TBC1D30: variants seen among roughly 807,000 people sequenced by gnomAD.
TBC1D30 encodes the protein TBC1 domain family, member 30.
TBC1D30 carries 31 observed loss-of-function variants against 63.2 expected under a neutral mutation model. The ratio of observed to expected loss-of-function variants is 0.49; its 90% CI spans 0.37 to 0.66. The LOEUF (loss-of-function observed/expected upper bound fraction) is 0.66. Ranked by LOEUF, TBC1D30 falls within the 30% of genes least tolerant of loss-of-function variation. The probability of loss-of-function intolerance (pLI) is 0.00; values close to 1 mark genes in which losing one functional copy is unlikely to be tolerated. For missense variants in TBC1D30, 810 were observed against 953.6 expected, an observed-to-expected ratio of 0.85 and a Z score of 1.98; for synonymous variants, 307 against 361.5, an observed-to-expected ratio of 0.85 and a Z score of 1.71.
rs568116151 is a variant in TBC1D30 at position 64,834,827 on chromosome 12, A to G, written c.595-1663A>G. 1.4e-3 allele frequency among the ~76,000 whole-genome samples: 208 copies of G among 150,350 alleles called. 2 individuals carry two copies. Among genetic ancestry groups the G allele is most frequent in the African/African-American group, 5.0e-3 (204 of 40,846 alleles). On this transcript the variant is annotated intron_variant, in intron 5 of 11. Transcript: ENST00000539867. ...GACATTGAGATGCCTTCAGATAGAG[A>G]ATTTCACTGTCACAGGAATTAGTAT...
chr12:64,793,695 C>G (rs886609343), intron 2 of TBC1D30, among the ~76,000 whole-genome samples: 1 of 151,998 alleles, frequency 6.6e-6, no homozygotes, highest in African/African-American at 2.4e-5. Flanking sequence ...ACCACAAGTA[C>G]AGATGAAAAT....
chr12:64,876,838 C>G lies in TBC1D30; in HGVS notation c.*1050C>G, dbSNP rs538009822. 21 of 456,136 alleles carry G rather than the reference C, an allele frequency of 4.6e-5. No homozygotes were observed. Among genetic ancestry groups the G allele is most frequent in the African/African-American group, 3.6e-4 (18 of 50,204 alleles). The allele number at this position is 456,136 out of a possible 1,614,324, so 28.3% of individuals were successfully genotyped here. A position where few individuals can be genotyped will look rare whatever the true frequency, so the allele number is the denominator to read the frequency against. ...TCTCACTCCTGCCCTTTCTAGCTCT[C>G]TCTCACCCAGCGGGTCAGGGATAGC... is the stretch of plus-strand genomic sequence containing the variant. On this transcript the variant is annotated 3_prime_UTR_variant, in exon 12 of 12. Coordinates refer to ENST00000539867, the MANE Select transcript of TBC1D30 (RefSeq NM_015279.2).
rs554681216 is a variant in TBC1D30 at position 64,809,752 on chromosome 12, C to T, written c.644-18083C>T. ...CCAGCTTCCCTCTGCATCTGTGATTCGTGCTCTGCTTCTTGTTTGTGGCTT... is the reference window on the plus strand; with the variant it reads ...CCAGCTTCCCTCTGCATCTGTGATTTGTGCTCTGCTTCTTGTTTGTGGCTT... On this transcript the variant is annotated intron_variant, in intron 2 of 12. Coordinates refer to the TBC1D30 transcript ENST00000542120. 4.6e-5 allele frequency among the ~76,000 whole-genome samples: 7 copies of T among 152,276 alleles called. No individual in the cohort carries two copies. In the East Asian group the frequency reaches 9.6e-4, roughly 21 times the overall value.
chr12:64,777,401 T>TTG (rs901267403), upstream of TBC1D30, among the ~76,000 whole-genome samples: 3 of 152,148 alleles, frequency 2.0e-5, no homozygotes, highest in African/African-American at 7.2e-5. Flanking sequence ...ATAAACAACT[T>TTG]CAGCAAAGTC....
chr12:64,845,856 C>T (rs1033740060), intron 8 of TBC1D30, among the ~76,000 whole-genome samples: 3 of 152,202 alleles, frequency 2.0e-5, no homozygotes, highest in East Asian at 1.9e-4. Context: ...GATGGGGTTT[C>T]GCCATATTGG....
chr12:64,805,625 G>A (rs1427750275), intron 2 of TBC1D30, among the ~76,000 whole-genome samples: 1 of 152,046 alleles, frequency 6.6e-6, no homozygotes, highest in Non-Finnish European at 1.5e-5. Flanking sequence ...TTGAGGCCGG[G>A]AGTTCAAGAC....
chr12:64,858,389 T>C (rs1422131156), intron 8 of TBC1D30, among the ~76,000 whole-genome samples: 1 of 152,148 alleles, frequency 6.6e-6, no homozygotes, highest in African/African-American at 2.4e-5. Flanking sequence ...ATATGCTGGA[T>C]CTCCCCTGAA....
upstream of TBC1D30, among the ~76,000 whole-genome samples, chr12:64,779,805 A>G (rs1172443858): frequency 2.0e-5 from 3 of 152,226 alleles, no homozygotes; most frequent in African/African-American, 7.2e-5. Context: ...CTGAAAAGTG[A>G]GAATATAACG....
intron 1 of TBC1D30, among the ~76,000 whole-genome samples, chr12:64,783,899 C>T (rs901368037): frequency 1.7e-4 from 2 of 11,792 alleles, no homozygotes; most frequent in Admixed American, 2.0e-3. Context: ...CTCAGGTGAT[C>T]TGCCTGCCTC....
chr12:64,802,571 A>G (rs574804259), intron 2 of TBC1D30, among the ~76,000 whole-genome samples: 19 of 152,204 alleles, frequency 1.2e-4, no homozygotes, highest in African/African-American at 4.3e-4. Flanking sequence ...ATATGTATAC[A>G]TGTGCCATGT....
Position 64,832,109 on chromosome 12 carries a change from T to C in TBC1D30, c.409-10T>C. ...GTTATTTTTGAAAATATTGTTTCCCTTCCATTTAGGACCTTCACCGCACAG... is the reference window on the plus strand; with the variant it reads ...GTTATTTTTGAAAATATTGTTTCCCCTCCATTTAGGACCTTCACCGCACAG... On this transcript the variant is annotated splice_polypyrimidine_tract_variant and intron_variant, in intron 4 of 11. Coordinates refer to ENST00000539867, the MANE Select transcript of TBC1D30 (RefSeq NM_015279.2). 17 of 1,513,066 alleles carry C rather than the reference T, an allele frequency of 1.1e-5. No individual in the cohort carries two copies. Among genetic ancestry groups the C allele is most frequent in the African/African-American group, 4.1e-5 (3 of 72,624 alleles). The allele number at this position is 1,513,066 out of a possible 1,614,324, so 93.7% of individuals were successfully genotyped here. A position where few individuals can be genotyped will look rare whatever the true frequency, so the allele number is the denominator to read the frequency against.
intron 5 of TBC1D30, 33 bp downstream of exon 5, chr12:64,832,337 A>C: frequency 6.6e-7 from 1 of 1,518,338 alleles, no homozygotes; most frequent in Non-Finnish European, 8.8e-7. Flanking sequence ...GGCCATGGAC[A>C]TTCTTCTGAG....
At chr12:64,868,540 C>A in intron 10 of TBC1D30, 1 of 282,080 alleles carries the variant, frequency 3.5e-6, no homozygotes, top group Non-Finnish European at 6.8e-6. Context: ...CTGTGTTTAG[C>A]TTTTTCATAG....
At chr12:64,845,248 G>A (rs929090367) in intron 8 of TBC1D30, among the ~76,000 whole-genome samples, 1 of 152,048 alleles carries the variant, frequency 6.6e-6, no homozygotes, top group African/African-American at 2.4e-5. Flanking sequence ...AGTGTACAAG[G>A]GTTCCCTTTT....
At chr12:64,794,743 C>T (rs561093036) in intron 2 of TBC1D30, among the ~76,000 whole-genome samples, 7 of 152,214 alleles carry the variant, frequency 4.6e-5, no homozygotes, top group Middle Eastern at 3.4e-3. Context: ...CTGGCTGTAA[C>T]GTTTTCTCTC....
chr12:64,866,558 C>T (rs552365844), intron 9 of TBC1D30, among the ~76,000 whole-genome samples: 88 of 152,214 alleles, frequency 5.8e-4, no homozygotes, highest in African/African-American at 1.9e-3. Context: ...TAGCCTCAGC[C>T]TCCGAAGTAG....
Position 64,866,870 on chromosome 12 carries a change from C to G in TBC1D30, c.1258C>G (p.Pro420Ala). ...TGGACCTTTTAGTGGGTTCCTGGCT[C>G]CTGAACTGCAGAAGTACCAAAAACA... ...CLGPFSGFLA[P>A]ELQKYQKQIK... Residue 420 changes from proline (P) to alanine (A), a missense_variant, in exon 10 of 12, where the codon CCT (proline) becomes GCT (alanine). By Grantham distance (27) the Pro-to-Ala change is conservative (BLOSUM62 -1). Transcript: ENST00000539867. The G allele has an allele frequency of 6.5e-7, 1 of 1,536,080 alleles. No homozygotes were observed. Among genetic ancestry groups the G allele is most frequent in the Non-Finnish European group, 8.7e-7 (1 of 1,146,912 alleles).
chr12:64,836,619 C>T lies in TBC1D30; in HGVS notation c.724C>T (p.Leu242=). The T allele has an allele frequency of 6.5e-7, 1 of 1,535,924 alleles. No individual in the cohort carries two copies. Among genetic ancestry groups the T allele is most frequent in the African/African-American group, 1.4e-5 (1 of 73,144 alleles). ...RMKLPELSQH[L]DTLQRTANKE... ...GAAGCTGCCGGAATTATCTCAGCAC[C>T]TGGATACTCTTCAGAGAACTGCAAA... Residue 242 remains leucine (L), a synonymous_variant, in exon 6 of 12, where the codon CTG becomes TTG. Transcript: ENST00000539867.
chr12:64,847,936 TTG>T (rs1163023282), intron 8 of TBC1D30, among the ~76,000 whole-genome samples: 1 of 150,674 alleles, frequency 6.6e-6, no homozygotes, highest in Non-Finnish European at 1.5e-5. Flanking sequence ...ATTTTTTTTG[TTG>T]ATTTTGTGTC....
Sources: gnomAD v4.1 joint callset for allele counts (sites outside exome capture counted in the v4.1 genomes callset) on GRCh38, gnomAD v4.1.1 for gene constraint, MANE v1.5 for transcripts, NCBI Gene and HGNC (gene_info 2026-07-23, HGNC 2026-07-21) for gene names.